Variants in PPFIBP1 observed in about 807,000 individuals in gnomAD.
The protein encoded by PPFIBP1 is PPFIB scaffold protein 1, also known as liprin-beta-1.
In PPFIBP1, 112 loss-of-function variants were observed where a neutral mutation model predicts 137.8. That is an observed-to-expected ratio of 0.81 (90% CI 0.70 to 0.95). The LOEUF (loss-of-function observed/expected upper bound fraction) is 0.95, where lower values mean the gene tolerates loss of function less well. Ranked by LOEUF, PPFIBP1 falls within the 40% of genes least tolerant of loss-of-function variation. PPFIBP1 has a pLI of 0.00. For synonymous variants in PPFIBP1, 378 were observed against 417.3 expected (o/e 0.91, Z 1.15); for missense variants, 1,083 against 1,196.6 (o/e 0.91, Z 1.40).
At chr12:27,652,605 AG>A (rs1276859790) in intron 7 of PPFIBP1, among the ~76,000 whole-genome samples, 1 of 152,208 alleles carries the variant, frequency 6.6e-6, no homozygotes, top group Non-Finnish European at 1.5e-5. Context: ...CCATATTTAA[AG>A]TATTGCCATG....
chr12:27,566,375 T>G (rs1293552935), intron 1 of PPFIBP1, among the ~76,000 whole-genome samples: 1 of 150,832 alleles, frequency 6.6e-6, no homozygotes, highest in African/African-American at 2.4e-5. Context: ...TGACTCCACC[T>G]GCTGTTCGCA....
chr12:27,677,863 G>C (rs1200799758), intron 19 of PPFIBP1: 1 of 152,264 alleles, frequency 6.6e-6, no homozygotes, highest in Admixed American at 6.5e-5. Context: ...TTTCCAAAAG[G>C]TGCTGTTACC....
chr12:27,671,351 T>A (rs1250797529), intron 13 of PPFIBP1, 80 bp from the exon 14 acceptor site: 12 of 782,070 alleles, frequency 1.5e-5, no homozygotes, highest in Admixed American at 2.9e-5. Flanking sequence ...ACCGTTTAAT[T>A]TTCTTATGTT....
At chr12:27,637,472 T>C (rs1178311007) in intron 4 of PPFIBP1, among the ~76,000 whole-genome samples, 1 of 152,188 alleles carries the variant, frequency 6.6e-6, no homozygotes, top group Non-Finnish European at 1.5e-5. Flanking sequence ...TCCGTTTTTA[T>C]CCTAAAAGTA....
intron 7 of PPFIBP1, 111 bp from the exon 8 acceptor site, chr12:27,654,611 C>A: frequency 7.3e-7 from 1 of 1,362,838 alleles, no homozygotes; most frequent in Non-Finnish European, 9.7e-7. Context: ...ATTCATACAA[C>A]TTTAACCCTA....
At chr12:27,625,771 A>T (rs983152596) in intron 2 of PPFIBP1, among the ~76,000 whole-genome samples, 2 of 151,854 alleles carry the variant, frequency 1.3e-5, no homozygotes, top group Non-Finnish European at 2.9e-5. Flanking sequence ...TTTAGTAGAG[A>T]TAGAGTTTCC....
chr12:27,686,847 G>A (rs7138650), intron 24 of PPFIBP1, among the ~76,000 whole-genome samples: 7,320 of 151,546 alleles, frequency 0.048, 574 homozygotes, highest in African/African-American at 0.17. Context: ...GATAGCCTGG[G>A]CAGTATAGTG....
At chr12:27,582,136 A>G (rs1275238618) in intron 2 of PPFIBP1, among the ~76,000 whole-genome samples, 5 of 151,160 alleles carry the variant, frequency 3.3e-5, no homozygotes, top group Admixed American at 3.3e-4. Context: ...TTTTTCCTTT[A>G]TGAGACAGAT....
chr12:27,539,208 A>G (rs1158974839), intron 1 of PPFIBP1, among the ~76,000 whole-genome samples: 1 of 152,256 alleles, frequency 6.6e-6, no homozygotes, highest in African/African-American at 2.4e-5. Context: ...GGCAAACACC[A>G]AAAGGCTTAA....
At chr12:27,633,993 C>T (rs1190656198) in intron 3 of PPFIBP1, among the ~76,000 whole-genome samples, 1 of 151,582 alleles carries the variant, frequency 6.6e-6, no homozygotes, top group Non-Finnish European at 1.5e-5. Context: ...CCCACCACCA[C>T]GCCTGGCTAA....
chr12:27,602,617 A>G (rs2054117616), intron 2 of PPFIBP1, among the ~76,000 whole-genome samples: 1 of 152,370 alleles, frequency 6.6e-6, no homozygotes, highest in South Asian at 2.1e-4. Context: ...AGAGCCCATT[A>G]TGAACACTGA....
At chr12:27,539,006 C>A (rs1160290143) in intron 1 of PPFIBP1, among the ~76,000 whole-genome samples, 1 of 152,158 alleles carries the variant, frequency 6.6e-6, no homozygotes, top group Non-Finnish European at 1.5e-5. Flanking sequence ...GGCTAACCAT[C>A]CTACAATGCA....
chr12:27,555,603 A>T (rs2048643512), intron 1 of PPFIBP1, among the ~76,000 whole-genome samples: 1 of 152,174 alleles, frequency 6.6e-6, no homozygotes, highest in African/African-American at 2.4e-5. Flanking sequence ...TTGAAAGCAA[A>T]AGCTGTTTTG....
At chr12:27,554,061 C>T (rs1354513819) in intron 1 of PPFIBP1, among the ~76,000 whole-genome samples, 1 of 152,214 alleles carries the variant, frequency 6.6e-6, no homozygotes, top group Non-Finnish European at 1.5e-5. Context: ...CTTGACAGCA[C>T]CCATCTGGTT....
At chr12:27,579,013 A>G (rs984809410) in intron 2 of PPFIBP1, among the ~76,000 whole-genome samples, 1 of 152,172 alleles carries the variant, frequency 6.6e-6, no homozygotes, top group Non-Finnish European at 1.5e-5. Context: ...CCTGGCATGG[A>G]TGTCAATAAG....
chr12:27,663,633 G>A (rs1204157317), intron 11 of PPFIBP1, among the ~76,000 whole-genome samples: 4 of 152,144 alleles, frequency 2.6e-5, no homozygotes, highest in Non-Finnish European at 5.9e-5. Flanking sequence ...TTGAGCCCAG[G>A]ATTTCAAGAC....
At chr12:27,669,037 A>G (rs2060026661) in intron 13 of PPFIBP1, among the ~76,000 whole-genome samples, 1 of 152,140 alleles carries the variant, frequency 6.6e-6, no homozygotes, top group Non-Finnish European at 1.5e-5. Flanking sequence ...TTCATTGTTT[A>G]AACAATCTTG....
In PPFIBP1 at chr12:27,694,948, T is replaced by C. The variant is rs1367746438; in HGVS notation, c.*2066T>C. 2.0e-5 allele frequency: 3 copies of C among 152,202 alleles called. No individual in the cohort carries two copies. The East Asian group carries it at 5.8e-4, about 29-fold the overall frequency. The allele number at this position is 152,202 out of a possible 1,614,324, so 9.4% of individuals were successfully genotyped here. On this transcript the variant is annotated 3_prime_UTR_variant, in exon 30 of 30. Transcript: ENST00000228425. ...TCAAATTACTATTTATTCATAACAA[T>C]TGATTTGATGCTAATAATAATTTTC...
chr12:27,609,306 T>C (rs1033934462), intron 2 of PPFIBP1, among the ~76,000 whole-genome samples: 9 of 152,232 alleles, frequency 5.9e-5, no homozygotes, highest in African/African-American at 9.6e-5. Context: ...AACTTGCTCC[T>C]CCTCCAGTGT....
Sources: allele counts gnomAD v4.1 joint callset (sites outside exome capture counted in the v4.1 genomes callset), GRCh38; gene constraint gnomAD v4.1.1; transcripts MANE v1.5; gene names NCBI Gene and HGNC (gene_info 2026-07-23, HGNC 2026-07-21).